USP24: variants seen among roughly 807,000 people sequenced by gnomAD.
The protein encoded by USP24 is ubiquitin specific peptidase 24, also known as ubiquitin carboxyl-terminal hydrolase 24.
In USP24, 97 loss-of-function variants were observed where a neutral mutation model predicts 361.6. That is an observed-to-expected ratio of 0.27 (90% confidence interval 0.23 to 0.32). The LOEUF (loss-of-function observed/expected upper bound fraction) is 0.32. Ranked by LOEUF, USP24 falls within the 10% of genes least tolerant of loss-of-function variation. The pLI is 1.00. For synonymous variants in USP24, 1,098 were observed against 1,124.6 expected (o/e 0.98, Z 0.47); for missense variants, 2,353 against 3,165.6 (o/e 0.74, Z 6.16).
chr1:55,127,515 C>T (rs974594358), intron 32 of USP24, among the ~76,000 whole-genome samples: 1 of 152,198 alleles, frequency 6.6e-6, no homozygotes, highest in African/African-American at 2.4e-5. Flanking sequence ...GTGAATAGTG[C>T]CGCAATAAAC....
At chr1:55,133,966 T>C in intron 30 of USP24, 104 bp downstream of exon 30, 2 of 1,067,068 alleles carry the variant, frequency 1.9e-6, no homozygotes, top group Non-Finnish European at 2.8e-6. Flanking sequence ...GAAAAAACAT[T>C]ATGGGAAAGA....
chr1:55,199,268 G>A (rs936787359), intron 1 of USP24, among the ~76,000 whole-genome samples: 11 of 151,552 alleles, frequency 7.3e-5, no homozygotes, highest in Admixed American at 2.0e-4. Flanking sequence ...TAGCTTGGGC[G>A]ACAGAGCGAG....
chr1:55,086,711 A>G (rs889909563), intron 55 of USP24, among the ~76,000 whole-genome samples: 1 of 152,260 alleles, frequency 6.6e-6, no homozygotes, highest in African/African-American at 2.4e-5. Context: ...CTTTACCTTC[A>G]GATACACGCT....
chr1:55,209,531 G>A (rs1019678954), intron 1 of USP24, among the ~76,000 whole-genome samples: 4 of 152,138 alleles, frequency 2.6e-5, no homozygotes, highest in African/African-American at 9.7e-5. Flanking sequence ...ATTGTCAAAT[G>A]AGCTTGTCTC....
chr1:55,089,725 T>C lies in USP24; in HGVS notation c.6570A>G (p.Glu2190=). The C allele has an allele frequency of 6.3e-7, 1 of 1,597,046 alleles. No homozygotes were observed. Among genetic ancestry groups the C allele is most frequent in the Non-Finnish European group, 8.5e-7 (1 of 1,170,812 alleles). Residue 2190 remains glutamate (E), a synonymous_variant, in exon 55 of 68, where the codon GAA becomes GAG. Coordinates refer to ENST00000294383, the MANE Select transcript of USP24 (RefSeq NM_015306.3). ...GCAATGCTTCAATGGTAGCAATCCA[T>C]TCTTCAGTATCAACCCTTTAAAAAA... is the stretch of plus-strand genomic sequence containing the variant. ...TKKKLRVDTE[E]WIATIEALLS...
At chr1:55,183,591 G>A (rs1042255659) in intron 1 of USP24, among the ~76,000 whole-genome samples, 3 of 152,162 alleles carry the variant, frequency 2.0e-5, no homozygotes, top group African/African-American at 4.8e-5. Context: ...AGTAATGGAC[G>A]ATTAGAGGAA....
At chr1:55,148,118 T>C (rs1211683360) in intron 17 of USP24, among the ~76,000 whole-genome samples, 1 of 152,154 alleles carries the variant, frequency 6.6e-6, no homozygotes, top group Non-Finnish European at 1.5e-5. Flanking sequence ...GAGGAAACTC[T>C]AGTACTTTAA....
chr1:55,092,948 A>C (rs1197142957), intron 52 of USP24, 32 bp from the exon 53 acceptor site: 1 of 1,370,634 alleles, frequency 7.3e-7, no homozygotes, highest in Non-Finnish European at 9.9e-7. Context: ...TATTTTTATG[A>C]AATGGAAAAA....
intron 1 of USP24, among the ~76,000 whole-genome samples, chr1:55,199,008 G>A (rs1644490349): frequency 6.6e-6 from 1 of 152,178 alleles, no homozygotes; most frequent in Non-Finnish European, 1.5e-5. Flanking sequence ...ATGATAACCA[G>A]GACAGGCATG....
chr1:55,133,626 TTC>T (rs72108685), intron 30 of USP24, among the ~76,000 whole-genome samples: 3 of 145,750 alleles, frequency 2.1e-5, no homozygotes, highest in Admixed American at 1.5e-4. Flanking sequence ...GCAAAGGTAT[TTC>T]TCTCTCTCTC....
At position 55,079,548 on chromosome 1, in the gene USP24, TAAG is replaced by T; in HGVS notation, c.7187_7189del (p.Pro2396_Tyr2397delinsHis). On this transcript the variant is annotated inframe_deletion, in exon 60 of 68. Coordinates refer to ENST00000294383, the MANE Select transcript of USP24 (RefSeq NM_015306.3). ...ATAACAAGTACATACCTCTAACAGGTAAGGTTTCCCTTCAGACATGAACAACAA... is the reference window on the plus strand; with the variant it reads ...ATAACAAGTACATACCTCTAACAGGTGTTTCCCTTCAGACATGAACAACAA... 6.4e-7 allele frequency: 1 copy of T among 1,573,192 alleles called. No homozygotes were observed.
intron 38 of USP24, among the ~76,000 whole-genome samples, chr1:55,120,371 T>C (rs1004575082): frequency 2.6e-5 from 4 of 152,082 alleles, no homozygotes; most frequent in African/African-American, 9.7e-5. Flanking sequence ...CTGGGGTAGA[T>C]GAATCACATG....
intron 21 of USP24, 88 bp from the exon 22 acceptor site, chr1:55,143,207 G>A (rs903408194): frequency 4.3e-6 from 4 of 940,006 alleles, no homozygotes; most frequent in Non-Finnish European, 6.0e-6. Flanking sequence ...TACATCATGA[G>A]TCCACACCTC....
chr1:55,129,137 C>G (rs987975393), intron 32 of USP24, among the ~76,000 whole-genome samples: 1 of 152,132 alleles, frequency 6.6e-6, no homozygotes, highest in Non-Finnish European at 1.5e-5. Context: ...GCACTAATAC[C>G]TTGCACAATA....
chr1:55,120,092 T>C (rs912814352), intron 38 of USP24, among the ~76,000 whole-genome samples: 1 of 152,158 alleles, frequency 6.6e-6, no homozygotes, highest in Admixed American at 6.5e-5. Context: ...GAGGAGCACA[T>C]GCATGCAGGC....
chr1:55,161,713 C>CA (rs1557654179), intron 8 of USP24, among the ~76,000 whole-genome samples: 1 of 152,112 alleles, frequency 6.6e-6, no homozygotes, highest in East Asian at 1.9e-4. Context: ...ACTGAACACT[C>CA]ACAGCTTTGA....
At chr1:55,180,127 G>T (rs1309146658) in intron 1 of USP24, among the ~76,000 whole-genome samples, 3 of 152,182 alleles carry the variant, frequency 2.0e-5, no homozygotes, top group East Asian at 1.9e-4. Flanking sequence ...TTCCCAAAAG[G>T]CCACAGCAGT....
At chr1:55,103,697 A>G (rs1645698126) in intron 42 of USP24, among the ~76,000 whole-genome samples, 179 bp downstream of exon 42, 1 of 152,246 alleles carries the variant, frequency 6.6e-6, no homozygotes, top group Admixed American at 6.5e-5. Context: ...ATTTCATAAT[A>G]TATTCAGTAT....
At chr1:55,132,863 T>A (rs1399818378) in intron 30 of USP24, among the ~76,000 whole-genome samples, 163 bp from the exon 31 acceptor site, 1 of 152,220 alleles carries the variant, frequency 6.6e-6, no homozygotes, top group African/African-American at 2.4e-5. Flanking sequence ...TCCGTAACTA[T>A]TAAAACATCA....
Sources: allele counts gnomAD v4.1 joint callset (sites outside exome capture counted in the v4.1 genomes callset), GRCh38; gene constraint gnomAD v4.1.1; transcripts MANE v1.5; gene names NCBI Gene and HGNC (gene_info 2026-07-23, HGNC 2026-07-21).